Variants in GRIK1 observed in about 807,000 individuals in gnomAD.
The protein encoded by GRIK1 is glutamate receptor ionotropic, kainate 1.
In GRIK1, 69 loss-of-function variants were observed where a neutral mutation model predicts 105.7. The ratio of observed to expected loss-of-function variants is 0.65; its 90% confidence interval spans 0.54 to 0.80. The LOEUF is 0.80. GRIK1 is among the 30% of genes least tolerant of loss of function. GRIK1 has a pLI of 0.00. For missense variants in GRIK1, 1,109 were observed against 1,167.3 expected (o/e 0.95, Z 0.73); for synonymous variants, 438 against 431.3 (o/e 1.02, Z -0.19).
intron 1 of GRIK1, among the ~76,000 whole-genome samples, chr21:29,882,699 A>G (rs1428196638): frequency 6.6e-6 from 1 of 152,118 alleles, no homozygotes; most frequent in Non-Finnish European, 1.5e-5. Context: ...TCTCACATGC[A>G]TATTCCCTGG....
At chr21:29,734,376 C>CTTT (rs1365263019) in intron 1 of GRIK1, among the ~76,000 whole-genome samples, 1 of 50,890 alleles carries the variant, frequency 2.0e-5, no homozygotes, top group African/African-American at 5.1e-5. Flanking sequence ...CTTTTCTTTT[C>CTTT]TTTTCTTTTC....
intron 1 of GRIK1, among the ~76,000 whole-genome samples, chr21:29,784,334 G>A (rs2066202984): frequency 6.6e-6 from 1 of 152,064 alleles, no homozygotes; most frequent in Non-Finnish European, 1.5e-5. Context: ...GTGATTACTG[G>A]GTCAAAGGGT....
At chr21:29,573,016 AC>A (rs2090791264) in intron 14 of GRIK1, among the ~76,000 whole-genome samples, 1 of 152,080 alleles carries the variant, frequency 6.6e-6, no homozygotes, top group Non-Finnish European at 1.5e-5. Flanking sequence ...CAGGTGATCC[AC>A]CAGCCTCGGC....
intron 14 of GRIK1, among the ~76,000 whole-genome samples, chr21:29,573,656 C>T (rs1601153931): frequency 2.0e-5 from 3 of 152,050 alleles, no homozygotes; most frequent in Non-Finnish European, 4.4e-5. Flanking sequence ...TTGAGACCAG[C>T]CTGGCCAACA....
intron 1 of GRIK1, among the ~76,000 whole-genome samples, chr21:29,784,238 T>A (rs1569089511): frequency 6.6e-6 from 1 of 152,226 alleles, no homozygotes; most frequent in Admixed American, 6.5e-5. Flanking sequence ...TTCCTAAACT[T>A]TTGCTGTTAA....
chr21:29,694,117 A>ATTTTTTTTTTTTTTTTTT (rs11434895), intron 1 of GRIK1, 54 bp from the exon 2 acceptor site: 1 of 371,132 alleles, frequency 2.7e-6, no homozygotes, highest in Non-Finnish European at 4.6e-6. Context: ...TTCACATGTA[A>ATTTTTTTTTTTTTTTTTT]TTTTTTTTTT....
intron 1 of GRIK1, among the ~76,000 whole-genome samples, chr21:29,782,396 G>T (rs1454676186): frequency 6.6e-6 from 1 of 152,090 alleles, no homozygotes; most frequent in African/African-American, 2.4e-5. Flanking sequence ...CCTTTCTTTG[G>T]GACATATGTC....
At chr21:29,784,067 G>A (rs189432110) in intron 1 of GRIK1, among the ~76,000 whole-genome samples, 1 of 152,170 alleles carries the variant, frequency 6.6e-6, no homozygotes, top group East Asian at 1.9e-4. Context: ...TGAGTAGCTG[G>A]GACTACAGGA....
chr21:29,934,287 T>C (rs764769345), intron 1 of GRIK1, among the ~76,000 whole-genome samples: 34 of 152,216 alleles, frequency 2.2e-4, no homozygotes, highest in Non-Finnish European at 4.0e-4. Flanking sequence ...CACTTTTAAG[T>C]AATTTAGTTA....
At position 29,560,566 on chromosome 21, in the gene GRIK1, T is replaced by TTCTC. The variant is rs1412076201; in HGVS notation, c.2356+1057_2356+1058insGAGA. On this transcript the variant is annotated intron_variant, in intron 15 of 17. Transcript: ENST00000327783. ...TTTCTTTCTTTCTTTCTTTCTTTCTTTCTTTCTTTCTCTCTTTCTTTCTTT... is the reference window on the plus strand; with the variant it reads ...TTTCTTTCTTTCTTTCTTTCTTTCTTTCTCTCTTTCTTTCTCTCTTTCTTTCTTT... Among the ~76,000 whole-genome samples, 7 of 121,574 alleles carry TTCTC rather than the reference T, an allele frequency of 5.8e-5. 1 individual carries two copies. Among genetic ancestry groups the TTCTC allele is most frequent in the East Asian group, 2.2e-4 (1 of 4,510 alleles). The allele number at this position is 121,574 out of a possible 152,430, so 79.8% of individuals were successfully genotyped here. A position where few individuals can be genotyped will look rare whatever the true frequency, so the allele number is the denominator to read the frequency against.
At chr21:29,892,288 C>A (rs1313102306) in intron 1 of GRIK1, among the ~76,000 whole-genome samples, 1 of 152,184 alleles carries the variant, frequency 6.6e-6, no homozygotes, top group Non-Finnish European at 1.5e-5. Flanking sequence ...AAGCAGAAAG[C>A]AACACCTTTG....
At chr21:29,860,605 T>A (rs541063222) in intron 1 of GRIK1, among the ~76,000 whole-genome samples, 1 of 152,328 alleles carries the variant, frequency 6.6e-6, no homozygotes, top group African/African-American at 2.4e-5. Flanking sequence ...TGGATTGCAA[T>A]TATTTGTTGA....
At chr21:29,848,777 A>ATTTT (rs1217856804) in intron 1 of GRIK1, among the ~76,000 whole-genome samples, 45 of 70,900 alleles carry the variant, frequency 6.3e-4, no homozygotes, top group Middle Eastern at 0.013. Context: ...ATATATATAT[A>ATTTT]TATTTTTTTT....
At chr21:29,695,462 A>T (rs1300756647) in intron 1 of GRIK1, among the ~76,000 whole-genome samples, 1 of 144,522 alleles carries the variant, frequency 6.9e-6, no homozygotes. Context: ...CTATCTATCT[A>T]TCTATCTATC....
At chr21:29,932,531 T>C (rs2071603372) in intron 1 of GRIK1, among the ~76,000 whole-genome samples, 1 of 152,222 alleles carries the variant, frequency 6.6e-6, no homozygotes, top group South Asian at 2.1e-4. Context: ...TTTAAAAATT[T>C]TCCTCTCCAA....
At chr21:29,873,364 G>A (rs1601912366) in intron 1 of GRIK1, among the ~76,000 whole-genome samples, 1 of 152,302 alleles carries the variant, frequency 6.6e-6, no homozygotes, top group Admixed American at 6.5e-5. Flanking sequence ...GTGTTTAAGA[G>A]TTCAGAGCCC....
chr21:29,939,682 C>G lies in GRIK1; in HGVS notation c.-182G>C. On this transcript the variant is annotated 5_prime_UTR_variant, in exon 1 of 18. Transcript: ENST00000327783. ...GGGACCGCGGAGCTGGCTGGCAAGG[C>G]TGAGCTCTCTCGGGGCTCCTCAGTG... 1.9e-6 allele frequency: 1 copy of G among 519,844 alleles called. No homozygotes were observed. The highest frequency in any genetic ancestry group is 3.4e-6 in the Non-Finnish European group (1 of 297,172). 32.2% of individuals were successfully genotyped at this position (519,844 alleles called of 1,614,324 possible). A position where few individuals can be genotyped will look rare whatever the true frequency, so the allele number is the denominator to read the frequency against.
At chr21:29,735,989 T>C (rs1454803443) in intron 1 of GRIK1, among the ~76,000 whole-genome samples, 1 of 151,586 alleles carries the variant, frequency 6.6e-6, no homozygotes, top group Non-Finnish European at 1.5e-5. Flanking sequence ...AGAAATCAAG[T>C]CAAATGTTTT....
chr21:29,696,626 A>G (rs1414355695), intron 1 of GRIK1, among the ~76,000 whole-genome samples: 1 of 152,204 alleles, frequency 6.6e-6, no homozygotes, highest in Non-Finnish European at 1.5e-5. Context: ...TTCCACAGTG[A>G]TTATGAACAA....
Sources: allele counts gnomAD v4.1 joint callset (sites outside exome capture counted in the v4.1 genomes callset), GRCh38; gene constraint gnomAD v4.1.1; transcripts MANE v1.5; gene names NCBI Gene and HGNC (gene_info 2026-07-23, HGNC 2026-07-21).